DNAH6: variants seen among roughly 807,000 people sequenced by gnomAD.
The protein encoded by DNAH6 is dynein axonemal heavy chain 6.
In DNAH6, 340 loss-of-function variants were observed where a neutral mutation model predicts 491.4. The ratio of observed to expected loss-of-function variants is 0.69; its 90% CI spans 0.63 to 0.76. The LOEUF is 0.76. Ranked by LOEUF, DNAH6 falls within the 30% of genes least tolerant of loss-of-function variation. The pLI, the probability that DNAH6 is intolerant of heterozygous loss-of-function variation, is 0.00. For missense variants in DNAH6, 4,443 were observed against 4,972.2 expected, an observed-to-expected ratio of 0.89 and a Z score of 3.20; for synonymous variants, 1,603 against 1,686.1, an observed-to-expected ratio of 0.95 and a Z score of 1.21.
At chr2:84,624,770 T>A in intron 28 of DNAH6, 132 bp from the exon 29 acceptor site, 1 of 1,227,044 alleles carries the variant, frequency 8.1e-7, no homozygotes, top group African/African-American at 1.5e-5. Flanking sequence ...ATTATGTGCA[T>A]GGATCTTTTG....
intron 3 of DNAH6, among the ~76,000 whole-genome samples, chr2:84,528,066 T>C (rs1028871089): frequency 5.9e-5 from 9 of 152,142 alleles, no homozygotes; most frequent in Non-Finnish European, 1.2e-4. Context: ...GGAACAGATA[T>C]GGGTGATGCC....
intron 63 of DNAH6, 25 bp from the exon 64 acceptor site, chr2:84,762,730 C>CT (rs751427475): frequency 2.9e-4 from 430 of 1,476,230 alleles, no homozygotes; most frequent in Middle Eastern, 5.2e-4. Context: ...ATTCAACATA[C>CT]TTTTTTTTTC....
At chr2:84,662,676 G>T (rs1051286948) in intron 37 of DNAH6, among the ~76,000 whole-genome samples, 1 of 152,212 alleles carries the variant, frequency 6.6e-6, no homozygotes, top group Non-Finnish European at 1.5e-5. Flanking sequence ...ACCTCTGGGG[G>T]CAGGGCATAG....
chr2:84,715,591 C>T lies in DNAH6; in HGVS notation c.9575C>T (p.Thr3192Ile). 6.4e-7 allele frequency: 1 copy of T among 1,551,482 alleles called. No homozygotes were observed. Among genetic ancestry groups the T allele is most frequent in the African/African-American group, 1.4e-5 (1 of 73,132 alleles). The change falls in exon 58 of 77, where the codon ACT becomes ATT. Residue 3192 changes from threonine (T) to isoleucine (I), a missense_variant. By Grantham distance (89) the Thr-to-Ile change is moderately conservative. Around this residue, in one of 3 missense-constraint regions of DNAH6, gnomAD observed 1,463 missense variants for 1,656.6 expected, o/e 0.88. Coordinates refer to ENST00000389394, the MANE Select transcript of DNAH6 (RefSeq NM_001370.2). ...ATTAAAGTTACCATTATCAATTTCA[C>T]TGTAACAAAATCAGGCCTGGAGGAT... ...VCIKVTIINF[T>I]VTKSGLEDQL... is the part of the protein sequence containing the mutation.
intron 37 of DNAH6, among the ~76,000 whole-genome samples, chr2:84,659,908 G>A (rs1180898487): frequency 6.6e-6 from 1 of 152,140 alleles, no homozygotes; most frequent in Non-Finnish European, 1.5e-5. Flanking sequence ...CTTGAGCCCA[G>A]GAATTTCAGG....
intron 16 of DNAH6, among the ~76,000 whole-genome samples, chr2:84,591,583 T>A (rs975201542): frequency 2.0e-5 from 3 of 152,172 alleles, no homozygotes; most frequent in African/African-American, 7.2e-5. Flanking sequence ...CCCAATGACA[T>A]TTTCTAAAGA....
At position 84,819,525 on chromosome 2, in the gene DNAH6, C is replaced by T. The variant is rs968637343; in HGVS notation, c.*117C>T. The T allele has an allele frequency of 2.0e-5, 12 of 603,814 alleles. No homozygotes were observed. In the Admixed American group the frequency reaches 3.0e-4, roughly 15 times the overall value. The allele number at this position is 603,814 out of a possible 1,614,324, so 37.4% of individuals were successfully genotyped here. On this transcript the variant is annotated 3_prime_UTR_variant, in exon 77 of 77. Coordinates refer to ENST00000389394, the MANE Select transcript of DNAH6 (RefSeq NM_001370.2). The stretch of plus-strand genomic sequence containing the variant: ...GGTGTTAATTCTGATTTGACTTAAA[C>T]GTATTGTGACTTTTATTTCTCTTAT...
intron 13 of DNAH6, among the ~76,000 whole-genome samples, chr2:84,577,652 T>C (rs1002282660): frequency 2.0e-5 from 3 of 152,132 alleles, no homozygotes; most frequent in East Asian, 3.9e-4. Flanking sequence ...CCTACTCCTT[T>C]TTCCATTGTC....
chr2:84,669,537 T>C (rs1401883316), intron 38 of DNAH6, 27 bp downstream of exon 38: 1 of 1,529,668 alleles, frequency 6.5e-7, no homozygotes, highest in Non-Finnish European at 8.9e-7. Flanking sequence ...AAACAAGAAG[T>C]CCTCTCCAAA....
At chr2:84,563,611 A>G (rs1404970640) in intron 11 of DNAH6, among the ~76,000 whole-genome samples, 1 of 152,102 alleles carries the variant, frequency 6.6e-6, no homozygotes, top group Non-Finnish European at 1.5e-5. Context: ...ACCGTTGTCA[A>G]ATGCGGTTTG....
At position 84,718,262 on chromosome 2, in the gene DNAH6, A is replaced by G. The variant is rs1445278187; in HGVS notation, c.9670A>G (p.Arg3224Gly). 1 of 1,549,174 alleles carries G rather than the reference A, an allele frequency of 6.5e-7. No homozygotes were observed. The highest frequency in any genetic ancestry group is 8.7e-7 in the Non-Finnish European group (1 of 1,146,256). ...AGAACAAAGAATTAAGCTCATCGTGAGGATCAACACTGATAAAAACCAGTT... is the reference window on the plus strand; with the variant it reads ...AGAACAAAGAATTAAGCTCATCGTGGGGATCAACACTGATAAAAACCAGTT... ...LEEQRIKLIV[R>G]INTDKNQLKT... The change falls in exon 59 of 77, where the codon AGG becomes GGG. Residue 3224 changes from arginine (R) to glycine (G), a missense_variant. By Grantham distance (125) the Arg-to-Gly change is moderately radical (BLOSUM62 -2). This residue lies in a region of DNAH6 where 1,463 missense variants were observed against 1,656.6 expected (regional missense o/e 0.88). Transcript: ENST00000389394.
At chr2:84,671,654 T>G (rs985135475) in intron 39 of DNAH6, among the ~76,000 whole-genome samples, 27 of 152,180 alleles carry the variant, frequency 1.8e-4, no homozygotes, top group African/African-American at 6.5e-4. Context: ...CCCCACCCCT[T>G]CCTGCTGCTT....
At chr2:84,645,578 G>T (rs1689821282) in intron 33 of DNAH6, among the ~76,000 whole-genome samples, 2 of 152,114 alleles carry the variant, frequency 1.3e-5, no homozygotes. Flanking sequence ...GCCTGTTCAT[G>T]CACTTTGCCC....
chr2:84,572,928 G>C lies in DNAH6; in HGVS notation c.1804-539G>C, dbSNP rs564380781. On this transcript the variant is annotated intron_variant, in intron 11 of 76. Coordinates refer to ENST00000389394, the MANE Select transcript of DNAH6 (RefSeq NM_001370.2). ...CGTTGTCTTGGTTTAAAAAAACTTT[G>C]TGGGGAAATATGGGTTAGAACCAAG... 9.8e-5 allele frequency among the ~76,000 whole-genome samples: 15 copies of C among 152,314 alleles called. No homozygotes were observed. In the East Asian group the frequency reaches 2.5e-3, roughly 25 times the overall value.
At chr2:84,634,233 G>A (rs1200838279) in intron 29 of DNAH6, among the ~76,000 whole-genome samples, 1 of 152,184 alleles carries the variant, frequency 6.6e-6, no homozygotes, top group Non-Finnish European at 1.5e-5. Flanking sequence ...AGTATTTGCA[G>A]AGGTGAGTGG....
Position 84,604,326 on chromosome 2 carries a change from GT to G in DNAH6, c.2869-10del. The G allele has an allele frequency of 6.5e-7, 1 of 1,546,280 alleles. No individual in the cohort carries two copies. Among genetic ancestry groups the G allele is most frequent in the African/African-American group, 1.4e-5 (1 of 73,026 alleles). ...TAAAAAGCTTCATGTCTCTGAGAGT[GT>G]TTGTTTTTCAGCTTCCAGTTATCAT... is the stretch of plus-strand genomic sequence containing the variant. On this transcript the variant is annotated splice_polypyrimidine_tract_variant and intron_variant, in intron 18 of 76. Transcript: ENST00000389394.
At chr2:84,724,454 G>A (rs1160616397) in intron 60 of DNAH6, among the ~76,000 whole-genome samples, 1 of 152,156 alleles carries the variant, frequency 6.6e-6, no homozygotes, top group Non-Finnish European at 1.5e-5. Context: ...CATCTCTCCA[G>A]TCACATTTCT....
chr2:84,602,797 GTTT>G (rs70949898), intron 18 of DNAH6, among the ~76,000 whole-genome samples: 6 of 121,864 alleles, frequency 4.9e-5, no homozygotes, highest in Admixed American at 8.9e-5. Context: ...TGGATGCTCT[GTTT>G]TTTTTTTTTT....
chr2:84,760,769 A>C (rs1380953052), intron 63 of DNAH6, among the ~76,000 whole-genome samples: 2 of 152,172 alleles, frequency 1.3e-5, no homozygotes, highest in East Asian at 3.8e-4. Context: ...TTTTTGAGGC[A>C]TGATCTCACT....
Sources: gnomAD v4.1 joint callset for allele counts (sites outside exome capture counted in the v4.1 genomes callset) on GRCh38, gnomAD v4.1.1 for gene constraint, gnomAD v4.1.1 regional missense constraint, MANE v1.5 for transcripts, NCBI Gene and HGNC (gene_info 2026-07-23, HGNC 2026-07-21) for gene names.